Variants in CAB39L observed in about 807,000 individuals in gnomAD.
The protein encoded by CAB39L is calcium-binding protein 39-like.
CAB39L carries 23 observed loss-of-function variants against 39.1 expected under a neutral mutation model. The observed-to-expected ratio is 0.59, with a 90% CI of 0.42 to 0.83. The LOEUF is 0.83. Ranked by LOEUF, CAB39L falls within the 40% of genes least tolerant of loss-of-function variation. The pLI is 0.00. For missense variants in CAB39L, 366 were observed against 391.9 expected (o/e 0.93, Z 0.56); for synonymous variants, 126 against 137.2 (o/e 0.92, Z 0.57).
intron 3 of CAB39L, among the ~76,000 whole-genome samples, chr13:49,397,978 T>C (rs1956678523): frequency 6.6e-6 from 1 of 152,102 alleles, no homozygotes; most frequent in African/African-American, 2.4e-5. Flanking sequence ...TAAGACATGG[T>C]TTATACAAAT....
chr13:49,359,892 T>C (rs746415453), intron 5 of CAB39L, 60 bp from the exon 6 acceptor site: 2 of 908,704 alleles, frequency 2.2e-6, no homozygotes, highest in African/African-American at 1.6e-5. Context: ...TTGTATAGTA[T>C]GTGGAATATA....
chr13:49,401,955 C>T (rs934591504), intron 3 of CAB39L, among the ~76,000 whole-genome samples: 1 of 151,992 alleles, frequency 6.6e-6, no homozygotes. Flanking sequence ...TTTTAGAGTA[C>T]TTATAATTTA....
intron 5 of CAB39L, among the ~76,000 whole-genome samples, chr13:49,372,772 G>A (rs995561562): frequency 6.6e-5 from 10 of 152,202 alleles, no homozygotes; most frequent in Middle Eastern, 3.4e-3. Context: ...CTGGGTTCAC[G>A]CCATTCTCCT....
At chr13:49,423,224 C>A (rs1957197510) in intron 3 of CAB39L, among the ~76,000 whole-genome samples, 1 of 152,180 alleles carries the variant, frequency 6.6e-6, no homozygotes, top group Non-Finnish European at 1.5e-5. Flanking sequence ...TTAAATAAAT[C>A]TAGGGCAGGT....
chr13:49,396,901 A>G (rs1718363837), intron 3 of CAB39L, among the ~76,000 whole-genome samples: 1 of 152,168 alleles, frequency 6.6e-6, no homozygotes, highest in Admixed American at 6.6e-5. Flanking sequence ...TAATTGAACC[A>G]TTCTCCTAAA....
chr13:49,381,191 G>A (rs1956246554), intron 4 of CAB39L, among the ~76,000 whole-genome samples: 4 of 152,180 alleles, frequency 2.6e-5, no homozygotes, highest in Admixed American at 2.0e-4. Context: ...GCCTCGCGAA[G>A]TGCTGGGATT....
intron 3 of CAB39L, among the ~76,000 whole-genome samples, chr13:49,424,068 C>T (rs1957210944): frequency 6.6e-6 from 1 of 152,186 alleles, no homozygotes; most frequent in African/African-American, 2.4e-5. Context: ...GAGACAATCT[C>T]CTGTGCAGAA....
Position 49,309,761 on chromosome 13 carries a change from A to C in CAB39L, c.*1053T>G. ...CTGTGATGGGCAATTATAGAATGACAGCTTATTAGAAAAAAATTGCTTTTA... is the reference window on the plus strand; with the variant it reads ...CTGTGATGGGCAATTATAGAATGACCGCTTATTAGAAAAAAATTGCTTTTA... On this transcript the variant is annotated 3_prime_UTR_variant, in exon 11 of 11. Coordinates refer to ENST00000409308, the MANE Select transcript of CAB39L (RefSeq NM_001079670.3). The C allele has an allele frequency of 6.6e-6, 1 of 152,204 alleles. No individual in the cohort carries two copies. 9.4% of individuals were successfully genotyped at this position (152,204 alleles called of 1,614,324 possible).
At chr13:49,336,192 C>T (rs940831837) in intron 9 of CAB39L, among the ~76,000 whole-genome samples, 1 of 150,910 alleles carries the variant, frequency 6.6e-6, no homozygotes, top group Non-Finnish European at 1.5e-5. Flanking sequence ...GCTTATTTCA[C>T]AGTCGTCTAC....
intron 3 of CAB39L, among the ~76,000 whole-genome samples, chr13:49,421,897 TATAAC>T (rs1415837526): frequency 6.6e-6 from 1 of 152,096 alleles, no homozygotes; most frequent in Non-Finnish European, 1.5e-5. Flanking sequence ...CCCAGAGTCT[TATAAC>T]ATAATACACA....
chr13:49,385,005 G>A (rs980747638), intron 3 of CAB39L, among the ~76,000 whole-genome samples: 28 of 152,052 alleles, frequency 1.8e-4, no homozygotes, highest in African/African-American at 6.5e-4. Context: ...CTCCTAACTA[G>A]AGAGTCAGCT....
chr13:49,406,213 G>C (rs1157833695), intron 3 of CAB39L, among the ~76,000 whole-genome samples: 1 of 150,462 alleles, frequency 6.6e-6, no homozygotes, highest in African/African-American at 2.4e-5. Context: ...TGTCACCCAG[G>C]CTGGAGTGCA....
At chr13:49,345,141 A>G (rs1955110951) in intron 7 of CAB39L, among the ~76,000 whole-genome samples, 1 of 152,204 alleles carries the variant, frequency 6.6e-6, no homozygotes, top group South Asian at 2.1e-4. Context: ...AAATTTAATT[A>G]AAAACATAAC....
intron 5 of CAB39L, among the ~76,000 whole-genome samples, chr13:49,369,256 C>CATAA (rs1955849348): frequency 6.6e-6 from 1 of 152,210 alleles, no homozygotes; most frequent in South Asian, 2.1e-4. Flanking sequence ...AAATACTATA[C>CATAA]ATAAATGGTT....
At position 49,340,858 on chromosome 13, in the gene CAB39L, T is replaced by C. The variant is rs559767795; in HGVS notation, c.625-1116A>G. ...GAAAGGTTTGAAGGGGCATGAGTTC[T>C]CAGAGCTCGCATTCAGGCCAATGCA... On this transcript the variant is annotated intron_variant, in intron 8 of 10. Coordinates refer to ENST00000409308, the MANE Select transcript of CAB39L (RefSeq NM_001079670.3). Among the ~76,000 whole-genome samples the C allele has an allele frequency of 1.7e-4, 26 of 152,334 alleles. No individual in the cohort carries two copies. The South Asian group carries it at 5.4e-3, about 32-fold the overall frequency.
chr13:49,371,583 G>A (rs1955920252), intron 5 of CAB39L, among the ~76,000 whole-genome samples: 1 of 151,962 alleles, frequency 6.6e-6, no homozygotes, highest in South Asian at 2.1e-4. Context: ...AGTTGATCCT[G>A]GAGTGTTTGT....
intron 3 of CAB39L, among the ~76,000 whole-genome samples, chr13:49,426,790 G>C (rs80348751): frequency 3.3e-5 from 5 of 152,248 alleles, no homozygotes; most frequent in Non-Finnish European, 5.9e-5. Flanking sequence ...AGCCACTCTT[G>C]AGTTACTTTT....
chr13:49,315,100 T>C (rs1375846234), intron 10 of CAB39L, among the ~76,000 whole-genome samples: 1 of 152,226 alleles, frequency 6.6e-6, no homozygotes, highest in African/African-American at 2.4e-5. Context: ...ATTTGGCCAA[T>C]TTAGTTCTGA....
At chr13:49,435,663 G>T (rs1445987813) in intron 1 of CAB39L, among the ~76,000 whole-genome samples, 1 of 152,102 alleles carries the variant, frequency 6.6e-6, no homozygotes, top group Non-Finnish European at 1.5e-5. Flanking sequence ...ATTACACCCA[G>T]CTAATTTTTG....
Sources: gnomAD v4.1 joint callset for allele counts (sites outside exome capture counted in the v4.1 genomes callset) on GRCh38, gnomAD v4.1.1 for gene constraint, MANE v1.5 for transcripts, NCBI Gene and HGNC (gene_info 2026-07-23, HGNC 2026-07-21) for gene names.